PALS1: variants seen among roughly 807,000 people sequenced by gnomAD.
PALS1 encodes the protein protein associated with LIN7 1, MAGUK p55 family member.
Under a neutral mutation model 78.9 loss-of-function variants are expected in PALS1, and 31 were observed. The observed-to-expected ratio is 0.39, with a 90% CI of 0.30 to 0.53. The LOEUF (loss-of-function observed/expected upper bound fraction) is 0.53. Among genes scored for constraint, PALS1 ranks in the 20% least tolerant of loss-of-function variants. PALS1 has a pLI of 0.67. For synonymous variants in PALS1, 276 were observed against 270.9 expected (o/e 1.02, Z -0.18); for missense variants, 704 against 826.5 (o/e 0.85, Z 1.82).
At chr14:67,272,279 A>T (rs139621936) in intron 2 of PALS1, among the ~76,000 whole-genome samples, 310 of 152,292 alleles carry the variant, frequency 2.0e-3, no homozygotes, top group African/African-American at 7.0e-3. Context: ...TTTTAGTTCA[A>T]CGAGCCTTAT....
intron 8 of PALS1, among the ~76,000 whole-genome samples, chr14:67,306,537 T>TG (rs2085007550): frequency 2.1e-5 from 3 of 142,320 alleles, no homozygotes; most frequent in Non-Finnish European, 3.1e-5. Flanking sequence ...GTGTGTGTGT[T>TG]TGTGTATTTT....
chr14:67,243,864 T>C (rs1258587596), intron 1 of PALS1, among the ~76,000 whole-genome samples: 1 of 152,212 alleles, frequency 6.6e-6, no homozygotes, highest in Non-Finnish European at 1.5e-5. Context: ...TTAGTGGTTA[T>C]ATAGTCTAAC....
intron 14 of PALS1, among the ~76,000 whole-genome samples, chr14:67,324,328 CAT>C (rs1322717397): frequency 2.0e-4 from 30 of 152,092 alleles, no homozygotes; most frequent in Non-Finnish European, 2.1e-4. Context: ...TGACTGATAA[CAT>C]GTTATTAATA....
intron 1 of PALS1, among the ~76,000 whole-genome samples, chr14:67,251,599 C>T (rs1028629413): frequency 6.6e-6 from 1 of 152,108 alleles, no homozygotes; most frequent in Non-Finnish European, 1.5e-5. Flanking sequence ...AAATAAGCTC[C>T]TTAAGGGTAG....
At position 67,284,682 on chromosome 14, in the gene PALS1, G is replaced by T. The variant is rs12437351; in HGVS notation, c.367+5145G>T. 4.4e-3 allele frequency among the ~76,000 whole-genome samples: 634 copies of T among 144,410 alleles called. 4 individuals carry two copies. Among genetic ancestry groups the T allele is most frequent in the African/African-American group, 0.015 (602 of 39,546 alleles). 94.7% of individuals were successfully genotyped at this position (144,410 alleles called of 152,430 possible). ...CCACCACCTGGCCCTTGACAACCACGAATATACTTTCTTTTTGGATTTGCT... is the reference window on the plus strand; with the variant it reads ...CCACCACCTGGCCCTTGACAACCACTAATATACTTTCTTTTTGGATTTGCT... On this transcript the variant is annotated intron_variant, in intron 3 of 14. Transcript: ENST00000261681.
At chr14:67,251,244 T>A (rs2084058601) in intron 1 of PALS1, among the ~76,000 whole-genome samples, 1 of 152,184 alleles carries the variant, frequency 6.6e-6, no homozygotes, top group Admixed American at 6.6e-5. Context: ...TGTTTAAAAA[T>A]GTACGTGAGG....
chr14:67,319,773 A>G (rs991733626), intron 11 of PALS1, among the ~76,000 whole-genome samples: 26 of 152,340 alleles, frequency 1.7e-4, no homozygotes, highest in African/African-American at 4.3e-4. Context: ...TTTCTCTGAT[A>G]ACACTGGTTG....
chr14:67,279,692 CTA>C (rs2084575270), intron 3 of PALS1, 155 bp downstream of exon 3: 8 of 638,868 alleles, frequency 1.3e-5, no homozygotes, highest in Non-Finnish European at 2.0e-5. Flanking sequence ...CGCCGTATAA[CTA>C]TTGTTTACTG....
At chr14:67,274,064 C>T (rs574991638) in intron 2 of PALS1, among the ~76,000 whole-genome samples, 5 of 152,254 alleles carry the variant, frequency 3.3e-5, no homozygotes, top group South Asian at 2.1e-4. Context: ...TTCTCCCATT[C>T]TGTAGGTTGC....
chr14:67,284,177 A>G (rs1315627455), intron 3 of PALS1, among the ~76,000 whole-genome samples: 1 of 152,170 alleles, frequency 6.6e-6, no homozygotes, highest in Non-Finnish European at 1.5e-5. Flanking sequence ...TCTGTAGTCC[A>G]TAAAATTTGT....
At chr14:67,324,892 C>T (rs932078748) in intron 14 of PALS1, among the ~76,000 whole-genome samples, 1 of 137,766 alleles carries the variant, frequency 7.3e-6, no homozygotes, top group Non-Finnish European at 1.5e-5. Flanking sequence ...CCCAGCCTTC[C>T]TTTCATTTTT....
chr14:67,250,210 AACGTTCCAT>A (rs1208508621), intron 1 of PALS1, among the ~76,000 whole-genome samples: 1 of 152,180 alleles, frequency 6.6e-6, no homozygotes, highest in Non-Finnish European at 1.5e-5. Context: ...TTCCTCCAGG[AACGTTCCAT>A]ACCCTCCTAC....
chr14:67,276,447 T>C (rs1165413786), intron 2 of PALS1, among the ~76,000 whole-genome samples: 1 of 152,208 alleles, frequency 6.6e-6, no homozygotes, highest in African/African-American at 2.4e-5. Context: ...AATGTATCCT[T>C]ATGTTTTGAG....
At position 67,270,046 on chromosome 14, in the gene PALS1, A is replaced by C. The variant is rs572348339; in HGVS notation, c.-154+263A>C. Reference sequence around the variant, plus strand: ...TATCTCTTCTATTTTACTCTGCCTAAAAATTAAGATACTGGTAATATAGGA... The same window carrying C: ...TATCTCTTCTATTTTACTCTGCCTACAAATTAAGATACTGGTAATATAGGA... On this transcript the variant is annotated intron_variant, in intron 2 of 14. Coordinates refer to ENST00000261681, the MANE Select transcript of PALS1 (RefSeq NM_022474.4). The C allele has an allele frequency of 2.0e-5, 3 of 152,332 alleles. No individual in the cohort carries two copies. In the East Asian group the frequency reaches 5.8e-4, roughly 29 times the overall value. The allele number at this position is 152,332 out of a possible 1,614,324, so 9.4% of individuals were successfully genotyped here.
chr14:67,289,260 C>T (rs1395388410), intron 3 of PALS1, among the ~76,000 whole-genome samples: 11 of 151,878 alleles, frequency 7.2e-5, no homozygotes, highest in Admixed American at 2.0e-4. Flanking sequence ...GAGCCACCAT[C>T]GCACGTGGCT....
At chr14:67,266,112 ACTT>A (rs1279974994) in intron 1 of PALS1, among the ~76,000 whole-genome samples, 2 of 151,874 alleles carry the variant, frequency 1.3e-5, no homozygotes, top group Non-Finnish European at 2.9e-5. Context: ...TGGTGTAAAA[ACTT>A]CTTTTATATT....
intron 2 of PALS1, among the ~76,000 whole-genome samples, chr14:67,274,564 C>T (rs562814448): frequency 1.3e-5 from 2 of 152,216 alleles, no homozygotes; most frequent in Non-Finnish European, 2.9e-5. Context: ...GTGATGCCTT[C>T]AGCTTTATTC....
chr14:67,298,691 A>G (rs2084892962), intron 4 of PALS1, among the ~76,000 whole-genome samples: 1 of 152,160 alleles, frequency 6.6e-6, no homozygotes, highest in Non-Finnish European at 1.5e-5. Context: ...ATGCACTTAA[A>G]ATGAGTGTGT....
chr14:67,301,009 G>T (rs1359496349), intron 4 of PALS1, among the ~76,000 whole-genome samples: 1 of 152,048 alleles, frequency 6.6e-6, no homozygotes, highest in Non-Finnish European at 1.5e-5. Flanking sequence ...AACTCTTTAA[G>T]TTGTCATCTC....
Sources: gnomAD v4.1 joint callset for allele counts (sites outside exome capture counted in the v4.1 genomes callset) on GRCh38, gnomAD v4.1.1 for gene constraint, MANE v1.5 for transcripts, NCBI Gene and HGNC (gene_info 2026-07-23, HGNC 2026-07-21) for gene names.